The following NLRP14 variants were observed in gnomAD, a reference collection of about 807,000 sequenced individuals.
NLRP14 encodes the protein NLR family pyrin domain containing 14.
NLRP14 carries 105 observed loss-of-function variants against 94.7 expected under a neutral mutation model. The observed-to-expected ratio is 1.11, with a 90% confidence interval of 0.95 to 1.30. NLRP14 has a LOEUF of 1.30. Ranked by LOEUF, NLRP14 falls within the 50% of genes most tolerant of loss-of-function variation. The pLI, the probability that NLRP14 is intolerant of heterozygous loss-of-function variation, is 0.00. For missense variants in NLRP14, 1,362 were observed against 1,254.1 expected (o/e 1.09, Z -1.30); for synonymous variants, 508 against 459.9 (o/e 1.10, Z -1.34).
downstream of NLRP14, among the ~76,000 whole-genome samples, chr11:7,075,329 A>G (rs1852862570): frequency 6.6e-6 from 1 of 152,236 alleles, no homozygotes; most frequent in South Asian, 2.1e-4. Flanking sequence ...TCAACATTTA[A>G]TTAAAATATA....
chr11:7,036,332 C>T (rs961037949), intron 1 of NLRP14, among the ~76,000 whole-genome samples: 1 of 152,046 alleles, frequency 6.6e-6, no homozygotes, highest in Middle Eastern at 3.2e-3. Context: ...TCGAGGACAG[C>T]GTAAAACCTT....
At chr11:7,056,912 G>A (rs1438710195) in intron 6 of NLRP14, among the ~76,000 whole-genome samples, 1 of 151,996 alleles carries the variant, frequency 6.6e-6, no homozygotes, top group Non-Finnish European at 1.5e-5. Flanking sequence ...TCTGGGCTTA[G>A]GAGGAAGCTT....
chr11:7,046,545 C>A (rs536023294), intron 4 of NLRP14, 123 bp from the exon 5 acceptor site: 1 of 870,760 alleles, frequency 1.1e-6, no homozygotes. Flanking sequence ...CACGGTGGAG[C>A]TGCACTGGAT....
chr11:7,073,935 C>T (rs997914521), downstream of NLRP14, among the ~76,000 whole-genome samples: 1 of 152,158 alleles, frequency 6.6e-6, no homozygotes, highest in African/African-American at 2.4e-5. Context: ...ACTCAACCTT[C>T]AGCATCCCCT....
chr11:7,063,069 A>C (rs549956674), intron 10 of NLRP14, among the ~76,000 whole-genome samples: 1 of 152,274 alleles, frequency 6.6e-6, no homozygotes, highest in Non-Finnish European at 1.5e-5. Flanking sequence ...CATCCTTTAG[A>C]AATTTAACAG....
intron 1 of NLRP14, among the ~76,000 whole-genome samples, chr11:7,035,304 G>C (rs11041147): frequency 0.3 from 45,130 of 152,030 alleles, 7,452 homozygotes; most frequent in East Asian, 0.4. Context: ...CAGCCTGGGC[G>C]ACAGAGCGAG....
At chr11:7,033,882 A>G (rs549874731) in intron 1 of NLRP14, among the ~76,000 whole-genome samples, 2 of 152,214 alleles carry the variant, frequency 1.3e-5, no homozygotes, top group African/African-American at 2.4e-5. Flanking sequence ...CTAGACTAGG[A>G]TGATGGGTTT....
chr11:7,038,089 A>G (rs1258197505), intron 1 of NLRP14, among the ~76,000 whole-genome samples: 5 of 152,198 alleles, frequency 3.3e-5, no homozygotes, highest in Admixed American at 2.0e-4. Context: ...CAGGGGTGCA[A>G]TAACAATGTT....
chr11:7,049,792 T>A lies in NLRP14; in HGVS notation c.2245T>A (p.Leu749Met), dbSNP rs757052277. 6.8e-6 allele frequency: 11 copies of A among 1,612,020 alleles called. No homozygotes were observed. In the East Asian group the frequency reaches 2.2e-4, roughly 33 times the overall value. The change falls in exon 6 of 12, where the codon TTG (leucine) becomes ATG (methionine). Residue 749 changes from leucine to methionine, a missense_variant. Physicochemically the swap from Leu to Met is conservative, Grantham distance 15. Transcript: ENST00000299481. ...SDIGDNGVKS[L>M]CEALKHPECK... ...TATAGGGGATAATGGAGTAAAGTCA[T>A]TGTGTGAGGCCTTGAAACACCCAGA...
Position 7,058,724 on chromosome 11 carries a change from C to G in NLRP14, c.2633+274C>G, listed in dbSNP as rs552931385. On this transcript the variant is annotated intron_variant, in intron 8 of 11. Transcript: ENST00000299481. Reference sequence around the variant, plus strand: ...TCACTCTACAGGTGAGGAATGTGAGCCTTAGGGAGATAATGCACCTTGCTT... The same window carrying G: ...TCACTCTACAGGTGAGGAATGTGAGGCTTAGGGAGATAATGCACCTTGCTT... Among the ~76,000 whole-genome samples, 297 of 151,912 alleles carry G rather than the reference C, an allele frequency of 2.0e-3. No homozygotes were observed. The Middle Eastern group carries it at 0.02, about 10-fold the overall frequency.
At chr11:7,085,416 A>T in the NLRP14 span, among the ~76,000 whole-genome samples, 1 of 152,174 alleles carries the variant, frequency 6.6e-6, no homozygotes, top group Non-Finnish European at 1.5e-5. Flanking sequence ...CCTGGCAACT[A>T]CATTCTACTT....
At chr11:7,028,636 A>T (rs1474363845) in intron 1 of NLRP14, among the ~76,000 whole-genome samples, 1 of 152,134 alleles carries the variant, frequency 6.6e-6, no homozygotes, top group Non-Finnish European at 1.5e-5. Flanking sequence ...GCTCTACATG[A>T]TATCTCTCTT....
chr11:7,071,434 A>G lies in NLRP14; in HGVS notation c.*126A>G. 2 of 733,408 alleles carry G rather than the reference A, an allele frequency of 2.7e-6. No individual in the cohort carries two copies. The highest frequency in any genetic ancestry group is 2.4e-6 in the Non-Finnish European group (1 of 425,520). 45.4% of individuals were successfully genotyped at this position (733,408 alleles called of 1,614,324 possible). ...AGAGATAGTGCACTTGGCAGCTGTC[A>G]GATACCATTCATCTACTTCTCTGTA... On this transcript the variant is annotated 3_prime_UTR_variant, in exon 12 of 12. Coordinates refer to ENST00000299481, the MANE Select transcript of NLRP14 (RefSeq NM_176822.4).
At chr11:7,050,868 C>T (rs1417387946) in intron 6 of NLRP14, among the ~76,000 whole-genome samples, 1 of 152,142 alleles carries the variant, frequency 6.6e-6, no homozygotes, top group Non-Finnish European at 1.5e-5. Flanking sequence ...CTGTAACCTA[C>T]ATATCTAGTC....
chr11:7,082,232 T>C, the NLRP14 span, among the ~76,000 whole-genome samples: 1 of 152,326 alleles, frequency 6.6e-6, no homozygotes, highest in South Asian at 2.1e-4. Flanking sequence ...GAGTGTGGTA[T>C]AGGAATAGGA....
At chr11:7,079,163 TTTTCTC>T in the NLRP14 span, among the ~76,000 whole-genome samples, 1 of 152,230 alleles carries the variant, frequency 6.6e-6, no homozygotes, top group Non-Finnish European at 1.5e-5. Flanking sequence ...GATGATTCCT[TTTTCTC>T]TTTCTCTATG....
chr11:7,073,584 T>C (rs2119734018), downstream of NLRP14, among the ~76,000 whole-genome samples: 1 of 152,328 alleles, frequency 6.6e-6, no homozygotes, highest in East Asian at 1.9e-4. Context: ...TTCCAGGTTG[T>C]GACCTGTTCT....
chr11:7,058,862 G>A (rs536147895), intron 8 of NLRP14, among the ~76,000 whole-genome samples: 2 of 152,076 alleles, frequency 1.3e-5, no homozygotes, highest in Non-Finnish European at 2.9e-5. Context: ...GAATCACATT[G>A]TGATTATTCT....
chr11:7,084,032 G>A, the NLRP14 span, among the ~76,000 whole-genome samples: 10 of 152,186 alleles, frequency 6.6e-5, no homozygotes, highest in African/African-American at 2.4e-4. Flanking sequence ...AGCACATAAT[G>A]TTGCCCATCA....
Sources: gnomAD v4.1 joint callset for allele counts (sites outside exome capture counted in the v4.1 genomes callset) on GRCh38, gnomAD v4.1.1 for gene constraint, MANE v1.5 for transcripts, NCBI Gene and HGNC (gene_info 2026-07-23, HGNC 2026-07-21) for gene names.